The following CNTN6 variants were observed in gnomAD, a reference collection of about 807,000 sequenced individuals.
The protein encoded by CNTN6 is contactin-6.
A neutral mutation model predicts 122.8 loss-of-function variants in CNTN6; 137 were observed. The ratio of observed to expected loss-of-function variants is 1.12; its 90% CI spans 0.97 to 1.29. CNTN6 has a LOEUF of 1.29. Among genes scored for constraint, CNTN6 ranks in the 50% most tolerant of loss-of-function variants. CNTN6 has a pLI of 0.00. For missense variants in CNTN6, 1,634 were observed against 1,223.4 expected (o/e 1.34, Z -5.01); for synonymous variants, 570 against 426.0 (o/e 1.34, Z -4.16).
intron 4 of CNTN6, among the ~76,000 whole-genome samples, chr3:1,267,822 A>G (rs1009650342): frequency 2.6e-5 from 4 of 152,100 alleles, no homozygotes; most frequent in Non-Finnish European, 5.9e-5. Flanking sequence ...TGCAATGGCA[A>G]TGGAATATAC....
At chr3:1,165,013 G>C (rs2125263626) in intron 2 of CNTN6, among the ~76,000 whole-genome samples, 1 of 152,264 alleles carries the variant, frequency 6.6e-6, no homozygotes, top group East Asian at 1.9e-4. Context: ...AGGTAATAAA[G>C]ACTGTTTCAG....
intron 4 of CNTN6, among the ~76,000 whole-genome samples, chr3:1,245,880 A>G (rs1363777386): frequency 6.6e-6 from 1 of 152,042 alleles, no homozygotes; most frequent in African/African-American, 2.4e-5. Context: ...GTCTTGGGCC[A>G]CATATAAAAT....
At chr3:1,212,418 GTATAGTAGTA>G (rs1230813740) in intron 2 of CNTN6, among the ~76,000 whole-genome samples, 1 of 150,960 alleles carries the variant, frequency 6.6e-6, no homozygotes, top group African/African-American at 2.4e-5. Context: ...TGATTACAAT[GTATAGTAGTA>G]TGTATACACA....
rs202226482 is a variant in CNTN6 at position 1,300,557 on chromosome 3, A to AAAAGAAAGAAAG, written c.761+2604_761+2615dup. ...AAAGAGAGAGAAAGAAAGAGAAAGA[A>AAAAGAAAGAAAG]AAAGAAAGAAAGAAAGAAAGAAAGA... is the stretch of plus-strand genomic sequence containing the variant. On this transcript the variant is annotated intron_variant, in intron 7 of 22. Coordinates refer to ENST00000446702, the MANE Select transcript of CNTN6 (RefSeq NM_001289080.2). 3.5e-3 allele frequency among the ~76,000 whole-genome samples: 374 copies of AAAAGAAAGAAAG among 107,264 alleles called. 1 individual carries two copies. The highest frequency in any genetic ancestry group is 4.3e-3 in the Middle Eastern group (1 of 232). 70.4% of individuals were successfully genotyped at this position (107,264 alleles called of 152,430 possible).
At position 1,385,756 on chromosome 3, in the gene CNTN6, G is replaced by T. The variant is rs1459256677; in HGVS notation, c.2663G>T (p.Gly888Val). The part of the protein sequence containing the change: ...SVRAYNTAGT[G>V]PSSPPVNVTT... ...AGAGCTTACAACACTGCTGGGACAG[G>T]GCCCTCAAGCCCCCCAGTCAATGTT... is the stretch of plus-strand genomic sequence containing the variant. Residue 888 changes from glycine to valine, a missense_variant, in exon 20 of 23, where the codon GGG (glycine) becomes GTG (valine). Coordinates refer to ENST00000446702, the MANE Select transcript of CNTN6 (RefSeq NM_001289080.2). 1.2e-6 allele frequency: 2 copies of T among 1,613,316 alleles called. No individual in the cohort carries two copies. The highest frequency in any genetic ancestry group is 1.7e-6 in the Non-Finnish European group (2 of 1,179,762).
At chr3:1,318,395 A>C (rs1700409120) in intron 7 of CNTN6, among the ~76,000 whole-genome samples, 1 of 151,764 alleles carries the variant, frequency 6.6e-6, no homozygotes, top group African/African-American at 2.4e-5. Context: ...AGCCTATATA[A>C]AAATACTATA....
chr3:1,141,367 A>G (rs936510305), intron 1 of CNTN6, among the ~76,000 whole-genome samples: 1 of 152,184 alleles, frequency 6.6e-6, no homozygotes. Context: ...GTTGCTGTAA[A>G]TAAGGGGAGA....
chr3:1,255,163 C>G (rs1244339518), intron 4 of CNTN6, among the ~76,000 whole-genome samples: 1 of 152,070 alleles, frequency 6.6e-6, no homozygotes, highest in African/African-American at 2.4e-5. Context: ...TGCTCAGAAC[C>G]AATATATTGT....
rs569838718 is a variant in CNTN6, at chr3:1,344,979, CT to C, written c.1365-7338del. Among the ~76,000 whole-genome samples, 300 of 152,008 alleles carry C rather than the reference CT, an allele frequency of 2.0e-3. 1 individual carries two copies. Among genetic ancestry groups the C allele is most frequent in the African/African-American group, 6.7e-3 (276 of 41,468 alleles). On this transcript the variant is annotated intron_variant, in intron 11 of 22. Coordinates refer to ENST00000446702, the MANE Select transcript of CNTN6 (RefSeq NM_001289080.2). ...TTTCACTTCATCTCTGTCTCTTTTGCTTTTTTTCATTTTTACTACATTGATG... is the reference window on the plus strand; with the variant it reads ...TTTCACTTCATCTCTGTCTCTTTTGCTTTTTTCATTTTTACTACATTGATG...
At chr3:1,335,716 A>G (rs1184220157) in intron 11 of CNTN6, among the ~76,000 whole-genome samples, 1 of 152,148 alleles carries the variant, frequency 6.6e-6, no homozygotes, top group Non-Finnish European at 1.5e-5. Flanking sequence ...TTGTCCTATT[A>G]TTGGAAGAAT....
intron 5 of CNTN6, among the ~76,000 whole-genome samples, chr3:1,280,873 G>C (rs185818431): frequency 2.0e-5 from 3 of 152,274 alleles, no homozygotes; most frequent in African/African-American, 7.2e-5. Context: ...ATAACTGGCT[G>C]TTAAGGGACA....
intron 11 of CNTN6, among the ~76,000 whole-genome samples, chr3:1,342,646 C>G (rs571532192): frequency 5.9e-5 from 9 of 152,042 alleles, no homozygotes; most frequent in Non-Finnish European, 1.3e-4. Flanking sequence ...AGGACAGAGG[C>G]TAAAAAAAAT....
rs7647167 is a variant in CNTN6 at position 1,149,679 on chromosome 3, G to T, written c.55+1616G>T. Among the ~76,000 whole-genome samples, 4 of 152,096 alleles carry T rather than the reference G, an allele frequency of 2.6e-5. No homozygotes were observed. The South Asian group carries it at 8.3e-4, about 31-fold the overall frequency. ...AACAAAGATTTGGGGTTAAATAATA[G>T]TGTATTCTTTTTTTGGTAATAGATT... On this transcript the variant is annotated intron_variant, in intron 2 of 22. Coordinates refer to ENST00000446702, the MANE Select transcript of CNTN6 (RefSeq NM_001289080.2).
chr3:1,266,707 C>G (rs185846865), intron 4 of CNTN6, among the ~76,000 whole-genome samples: 97 of 152,282 alleles, frequency 6.4e-4, no homozygotes, highest in African/African-American at 2.1e-3. Context: ...CCACTCTTTC[C>G]AAGTGACCTC....
Position 1,329,827 on chromosome 3 carries a change from C to T in CNTN6, c.1256C>T (p.Ser419Phe). The T allele has an allele frequency of 6.2e-7, 1 of 1,608,870 alleles. No individual in the cohort carries two copies. Among genetic ancestry groups the T allele is most frequent in the Non-Finnish European group, 8.5e-7 (1 of 1,177,628 alleles). Residue 419 changes from serine to phenylalanine, a missense_variant, in exon 11 of 23, where the codon TCT (serine) becomes TTT (phenylalanine). By Grantham distance (155) the Ser-to-Phe change is radical (BLOSUM62 -2). Transcript: ENST00000446702. Reference protein sequence around the residue: ...DFSKSPVKKKSFVQVGGDIVI... With the variant: ...DFSKSPVKKKFFVQVGGDIVI... ...TCCAAAAGTCCAGTTAAAAAAAAGTCTTTTGTTCAAGTTGGTGGGGATATT... is the reference window on the plus strand; with the variant it reads ...TCCAAAAGTCCAGTTAAAAAAAAGTTTTTTGTTCAAGTTGGTGGGGATATT...
intron 5 of CNTN6, among the ~76,000 whole-genome samples, chr3:1,283,641 T>A (rs1693848282): frequency 6.6e-6 from 1 of 152,118 alleles, no homozygotes; most frequent in Non-Finnish European, 1.5e-5. Context: ...AACCCCCCCT[T>A]CACTATGTAG....
chr3:1,276,512 T>C (rs901194745), intron 4 of CNTN6, among the ~76,000 whole-genome samples: 2 of 152,232 alleles, frequency 1.3e-5, no homozygotes, highest in Non-Finnish European at 2.9e-5. Context: ...GCTCACGATA[T>C]GCTGCTTGCT....
At chr3:1,386,450 A>C (rs552301105) in intron 20 of CNTN6, among the ~76,000 whole-genome samples, 1 of 152,220 alleles carries the variant, frequency 6.6e-6, no homozygotes, top group South Asian at 2.1e-4. Context: ...ACAGAATCAG[A>C]ATCTGCTACA....
chr3:1,174,078 C>T (rs1258658366), intron 2 of CNTN6, among the ~76,000 whole-genome samples: 2 of 152,220 alleles, frequency 1.3e-5, no homozygotes, highest in African/African-American at 4.8e-5. Context: ...CAAATATCTT[C>T]ATAGTGTCTC....
Sources: gnomAD v4.1 joint callset for allele counts (sites outside exome capture counted in the v4.1 genomes callset) on GRCh38, gnomAD v4.1.1 for gene constraint, MANE v1.5 for transcripts, NCBI Gene and HGNC (gene_info 2026-07-23, HGNC 2026-07-21) for gene names.